Variants in SOX5 observed in about 807,000 individuals in gnomAD.
SOX5 encodes SRY-box transcription factor 5, also known as transcription factor SOX-5.
SOX5 carries 9 observed loss-of-function variants against 92.0 expected under a neutral mutation model. The observed-to-expected ratio is 0.10, with a 90% confidence interval of 0.06 to 0.17. The LOEUF (loss-of-function observed/expected upper bound fraction) is 0.17, where lower values mean the gene tolerates loss of function less well. Ranked by LOEUF, SOX5 falls within the 10% of genes least tolerant of loss-of-function variation. The probability of loss-of-function intolerance (pLI) is 1.00; values close to 1 mark genes in which losing one functional copy is unlikely to be tolerated. For missense variants in SOX5, 642 were observed against 944.5 expected, an observed-to-expected ratio of 0.68 and a Z score of 4.20; for synonymous variants, 344 against 336.3, an observed-to-expected ratio of 1.02 and a Z score of -0.25.
intron 3 of SOX5, among the ~76,000 whole-genome samples, chr12:23,783,900 C>G (rs1468273978): frequency 1.3e-5 from 2 of 152,094 alleles, no homozygotes; most frequent in Non-Finnish European, 2.9e-5. Flanking sequence ...TGGCAATAAA[C>G]AAGTTGGGCT....
At chr12:23,668,241 A>AAC (rs2084165164) in intron 6 of SOX5, among the ~76,000 whole-genome samples, 1 of 152,218 alleles carries the variant, frequency 6.6e-6, no homozygotes, top group Non-Finnish European at 1.5e-5. Flanking sequence ...TTTAAACAAA[A>AAC]ACACACACAA....
chr12:23,977,586 C>T (rs1949055953), intron 4 of SOX5, among the ~76,000 whole-genome samples: 1 of 146,698 alleles, frequency 6.8e-6, no homozygotes, highest in Non-Finnish European at 1.5e-5. Context: ...TTGCTTGAAC[C>T]CAGGAAGCAA....
chr12:23,856,561 T>A (rs1298403434), intron 2 of SOX5, among the ~76,000 whole-genome samples: 1 of 152,122 alleles, frequency 6.6e-6, no homozygotes, highest in Non-Finnish European at 1.5e-5. Flanking sequence ...AATGGTAAAT[T>A]GGAGAATTAA....
intron 2 of SOX5, among the ~76,000 whole-genome samples, chr12:24,327,237 T>C (rs1177777345): frequency 6.6e-6 from 1 of 152,148 alleles, no homozygotes; most frequent in Non-Finnish European, 1.5e-5. Context: ...GAGCTTTGTT[T>C]CTTCTCATGG....
chr12:24,038,061 C>T (rs1371880695), intron 4 of SOX5, among the ~76,000 whole-genome samples: 1 of 152,100 alleles, frequency 6.6e-6, no homozygotes, highest in African/African-American at 2.4e-5. Flanking sequence ...GAGTAGAAAC[C>T]AAGATTTAAA....
rs191889240 is a variant in SOX5 at position 24,233,053 on chromosome 12, T to C, written c.-76-19636A>G. Reference sequence around the variant, plus strand: ...AAGTTTTTGAGTAGGCTTTAGGGGATTGAAGTAGTAAAATATTCAGAAACT... The same window carrying C: ...AAGTTTTTGAGTAGGCTTTAGGGGACTGAAGTAGTAAAATATTCAGAAACT... On this transcript the variant is annotated intron_variant, in intron 3 of 4. Coordinates refer to the SOX5 transcript ENST00000446891. 1.5e-3 allele frequency among the ~76,000 whole-genome samples: 224 copies of C among 152,282 alleles called. 2 individuals carry two copies. The highest frequency in any genetic ancestry group is 4.4e-3 in the African/African-American group (182 of 41,554).
chr12:24,099,621 T>C (rs1201806516), intron 4 of SOX5, among the ~76,000 whole-genome samples: 3 of 152,004 alleles, frequency 2.0e-5, no homozygotes, highest in East Asian at 1.9e-4. Context: ...ATCCTGGCAG[T>C]TGGGGGAAAG....
intron 3 of SOX5, among the ~76,000 whole-genome samples, chr12:24,252,504 C>CA (rs57327790): frequency 0.025 from 3,580 of 142,374 alleles, 114 homozygotes; most frequent in African/African-American, 0.077. Flanking sequence ...GGGGAAAGGC[C>CA]AAAAAAAAAA....
At chr12:24,041,941 A>C (rs1212920021) in intron 4 of SOX5, among the ~76,000 whole-genome samples, 1 of 152,090 alleles carries the variant, frequency 6.6e-6, no homozygotes, top group African/African-American at 2.4e-5. Flanking sequence ...AATAAACATT[A>C]TGTGCTCATT....
chr12:23,947,933 G>A (rs1010972637), intron 1 of SOX5, among the ~76,000 whole-genome samples: 1 of 151,954 alleles, frequency 6.6e-6, no homozygotes, highest in Non-Finnish European at 1.5e-5. Flanking sequence ...CCTCAGAGTT[G>A]TATTTGCAAA....
At chr12:24,441,198 C>CA (rs1194899050) in intron 1 of SOX5, among the ~76,000 whole-genome samples, 13 of 152,004 alleles carry the variant, frequency 8.6e-5, no homozygotes, top group East Asian at 3.9e-4. Context: ...ATCAGAAATG[C>CA]AAAAAAATTC....
At chr12:23,915,842 C>T (rs2097409131) in intron 1 of SOX5, among the ~76,000 whole-genome samples, 1 of 152,174 alleles carries the variant, frequency 6.6e-6, no homozygotes. Flanking sequence ...CAGTGGTTCC[C>T]TCATTCTATG....
At chr12:24,369,380 T>A (rs1268167363) in intron 1 of SOX5, among the ~76,000 whole-genome samples, 1 of 152,128 alleles carries the variant, frequency 6.6e-6, no homozygotes, top group East Asian at 1.9e-4. Flanking sequence ...ACACCAACAT[T>A]CAAAAGGGGT....
intron 6 of SOX5, among the ~76,000 whole-genome samples, chr12:23,713,645 C>CTGTG: frequency 6.8e-6 from 1 of 146,940 alleles, no homozygotes; most frequent in African/African-American, 2.6e-5. Flanking sequence ...TCTCCAGTGT[C>CTGTG]TCTGTGTGTG....
intron 4 of SOX5, among the ~76,000 whole-genome samples, chr12:23,960,614 C>T (rs1946819772): frequency 6.8e-6 from 1 of 147,108 alleles, no homozygotes; most frequent in South Asian, 2.1e-4. Context: ...GATACAACAA[C>T]ACGATGGAAT....
chr12:23,602,897 A>C (rs1191653127), intron 9 of SOX5, among the ~76,000 whole-genome samples: 4 of 152,108 alleles, frequency 2.6e-5, no homozygotes, highest in Non-Finnish European at 5.9e-5. Flanking sequence ...ATTATAAAGA[A>C]AAGCAGACCA....
chr12:24,374,575 G>A (rs73289747), intron 1 of SOX5, among the ~76,000 whole-genome samples: 2,206 of 152,096 alleles, frequency 0.015, 49 homozygotes, highest in African/African-American at 0.05. Flanking sequence ...GGAAGCCCTG[G>A]CATGGGGAGA....
chr12:24,068,094 A>G (rs1231686348), intron 4 of SOX5, among the ~76,000 whole-genome samples: 1 of 152,144 alleles, frequency 6.6e-6, no homozygotes, highest in African/African-American at 2.4e-5. Context: ...GCAGTGAGCC[A>G]AGATTGCGCC....
intron 12 of SOX5, 56 bp from the exon 13 acceptor site, chr12:23,543,440 C>T (rs1942500595): frequency 2.3e-6 from 3 of 1,332,000 alleles, no homozygotes; most frequent in Admixed American, 3.7e-5. Context: ...CAGCTCTTTT[C>T]CTTGCATTCC....
Sources: allele counts gnomAD v4.1 joint callset (sites outside exome capture counted in the v4.1 genomes callset), GRCh38; gene constraint gnomAD v4.1.1; transcripts MANE v1.5; gene names NCBI Gene and HGNC (gene_info 2026-07-23, HGNC 2026-07-21).